The following POC1A variants were observed in gnomAD, a reference collection of about 807,000 sequenced individuals.
The protein encoded by POC1A is POC1 centriolar protein homolog A.
Under a neutral mutation model 47.8 loss-of-function variants are expected in POC1A, and 34 were observed. The ratio of observed to expected loss-of-function variants is 0.71; its 90% confidence interval spans 0.54 to 0.95. The LOEUF (loss-of-function observed/expected upper bound fraction) is 0.95. POC1A is among the 40% of genes least tolerant of loss of function. The pLI is 0.00. For missense variants in POC1A, 466 were observed against 528.3 expected (o/e 0.88, Z 1.16); for synonymous variants, 177 against 207.6 (o/e 0.85, Z 1.27).
chr3:52,135,831 C>A (rs894812911), intron 7 of POC1A, among the ~76,000 whole-genome samples: 2 of 152,188 alleles, frequency 1.3e-5, no homozygotes, highest in Non-Finnish European at 2.9e-5. Flanking sequence ...AGGCAGCAAC[C>A]CCACAGTGCA....
chr3:52,152,241 C>A (rs1209763559), intron 1 of POC1A, among the ~76,000 whole-genome samples: 1 of 152,118 alleles, frequency 6.6e-6, no homozygotes, highest in Non-Finnish European at 1.5e-5. Flanking sequence ...CATCACTGCA[C>A]TCCAGCCTGG....
chr3:52,113,295 C>T (rs1333295203), intron 9 of POC1A, among the ~76,000 whole-genome samples: 1 of 152,234 alleles, frequency 6.6e-6, no homozygotes, highest in African/African-American at 2.4e-5. Context: ...GCCTGGGTGG[C>T]CCCACTTCCA....
intron 9 of POC1A, among the ~76,000 whole-genome samples, chr3:52,100,892 T>C (rs912063804): frequency 2.0e-5 from 3 of 151,942 alleles, no homozygotes; most frequent in African/African-American, 7.3e-5. Flanking sequence ...CTGAAACTAC[T>C]AGGGAAAAGC....
intron 4 of POC1A, among the ~76,000 whole-genome samples, chr3:52,148,942 G>A (rs1698460197): frequency 6.6e-6 from 1 of 152,210 alleles, no homozygotes; most frequent in Non-Finnish European, 1.5e-5. Flanking sequence ...GACCCAGTTT[G>A]TGCTTTGCCA....
chr3:52,091,422 G>T (rs147862605), intron 10 of POC1A, among the ~76,000 whole-genome samples: 1,843 of 152,312 alleles, frequency 0.012, 22 homozygotes, highest in Non-Finnish European at 0.02. Flanking sequence ...TCAAAGAACA[G>T]AAGTATCACA....
Position 52,125,006 on chromosome 3 carries a change from G to A in POC1A, c.882+107C>T, listed in dbSNP as rs1264040737. ...CTTTTTAGTCGCTGAAAGCCACCAA[G>A]GAAGCTGGCGAAACCCAGCCCATCC... On this transcript the variant is annotated intron_variant, in intron 8 of 10. Transcript: ENST00000296484. 3 of 847,950 alleles carry A rather than the reference G, an allele frequency of 3.5e-6. No homozygotes were observed. In the African/African-American group the frequency reaches 5.1e-5, roughly 14 times the overall value. 52.5% of individuals were successfully genotyped at this position (847,950 alleles called of 1,614,324 possible). A position where few individuals can be genotyped will look rare whatever the true frequency, so the allele number is the denominator to read the frequency against.
intron 7 of POC1A, among the ~76,000 whole-genome samples, chr3:52,137,737 CCTT>C (rs1704528037): frequency 1.3e-5 from 2 of 152,286 alleles, no homozygotes; most frequent in African/African-American, 4.8e-5. Flanking sequence ...AGAAGACTTC[CCTT>C]CTTTGTCCCA....
intron 6 of POC1A, among the ~76,000 whole-genome samples, chr3:52,139,792 C>A (rs1313899647): frequency 6.6e-6 from 1 of 152,184 alleles, no homozygotes; most frequent in Non-Finnish European, 1.5e-5. Flanking sequence ...CAGCAGGTTA[C>A]ACAACTCTCC....
intron 9 of POC1A, among the ~76,000 whole-genome samples, chr3:52,110,033 G>A (rs1703327139): frequency 6.6e-6 from 1 of 152,138 alleles, no homozygotes; most frequent in Admixed American, 6.5e-5. Context: ...AAGGCCAGAA[G>A]GTAGCTTCCT....
At chr3:52,077,402 G>T (rs147169082) in intron 10 of POC1A, among the ~76,000 whole-genome samples, 1 of 152,254 alleles carries the variant, frequency 6.6e-6, no homozygotes, top group Non-Finnish European at 1.5e-5. Flanking sequence ...GCAGCGTCCG[G>T]CACAGACATT....
chr3:52,126,198 A>C (rs1194747534), intron 7 of POC1A, among the ~76,000 whole-genome samples: 2 of 152,228 alleles, frequency 1.3e-5, no homozygotes, highest in Non-Finnish European at 2.9e-5. Flanking sequence ...ACTGCCCATG[A>C]GATGGGCTCT....
rs573439846 is a variant in POC1A, at chr3:52,122,299, G to A, written c.981+80C>T. 1.3e-4 allele frequency: 105 copies of A among 793,876 alleles called. No individual in the cohort carries two copies. In the Middle Eastern group the frequency reaches 2.4e-3, roughly 18 times the overall value. 49.2% of individuals were successfully genotyped at this position (793,876 alleles called of 1,614,324 possible). ...ACAGGCCTAAACCTCCTCCCTCACCGTCTCCAAGCCCAGAGCTGTTCACCA... is the reference window on the plus strand; with the variant it reads ...ACAGGCCTAAACCTCCTCCCTCACCATCTCCAAGCCCAGAGCTGTTCACCA... On this transcript the variant is annotated intron_variant, in intron 9 of 10. Transcript: ENST00000296484.
At chr3:52,145,513 T>C (rs1442659626) in intron 6 of POC1A, among the ~76,000 whole-genome samples, 1 of 152,176 alleles carries the variant, frequency 6.6e-6, no homozygotes, top group East Asian at 1.9e-4. Context: ...GGCATGCCCC[T>C]GAGAAGTGGT....
intron 9 of POC1A, among the ~76,000 whole-genome samples, chr3:52,115,904 A>G (rs1703547137): frequency 1.3e-5 from 2 of 152,182 alleles, no homozygotes; most frequent in African/African-American, 4.8e-5. Context: ...GGGATGAGAA[A>G]ATACTTAACC....
chr3:52,106,422 C>G (rs1161795947), intron 9 of POC1A, among the ~76,000 whole-genome samples: 1 of 152,170 alleles, frequency 6.6e-6, no homozygotes, highest in East Asian at 1.9e-4. Context: ...ACTCATGAGG[C>G]TGAGATGGGA....
intron 6 of POC1A, among the ~76,000 whole-genome samples, chr3:52,143,633 G>C (rs961451186): frequency 1.3e-5 from 2 of 151,984 alleles, no homozygotes; most frequent in Non-Finnish European, 2.9e-5. Context: ...ACCCCAACAG[G>C]GTCAGCTTCT....
At chr3:52,133,632 G>A (rs772629701) in intron 7 of POC1A, among the ~76,000 whole-genome samples, 8 of 152,124 alleles carry the variant, frequency 5.3e-5, no homozygotes, top group African/African-American at 7.2e-5. Context: ...CTGTCCTGGC[G>A]CTCCTTGTAC....
rs370403189 is a variant in POC1A, at chr3:52,153,662, T to A, written c.18+693A>T. On this transcript the variant is annotated intron_variant, in intron 1 of 10. Transcript: ENST00000296484. The stretch of plus-strand genomic sequence containing the variant: ...CTCAACACCGCCTCCCCTCTGTAGT[T>A]CCCTGCATGTGGGCCTCATCTCCCT... Among the ~76,000 whole-genome samples, 4 of 152,334 alleles carry A rather than the reference T, an allele frequency of 2.6e-5. No homozygotes were observed. In the South Asian group the frequency reaches 6.2e-4, roughly 24 times the overall value.
intron 7 of POC1A, among the ~76,000 whole-genome samples, chr3:52,135,921 T>C (rs1704440663): frequency 6.6e-6 from 1 of 152,120 alleles, no homozygotes; most frequent in African/African-American, 2.4e-5. Context: ...AACCCGGTAT[T>C]GACTTGCCAC....
Sources: gnomAD v4.1 joint callset for allele counts (sites outside exome capture counted in the v4.1 genomes callset) on GRCh38, gnomAD v4.1.1 for gene constraint, MANE v1.5 for transcripts, NCBI Gene and HGNC (gene_info 2026-07-23, HGNC 2026-07-21) for gene names.